The following KAT6B variants were observed in gnomAD, a reference collection of about 807,000 sequenced individuals.
The protein encoded by KAT6B is lysine acetyltransferase 6B, also known as histone acetyltransferase KAT6B.
Under a neutral mutation model 187.5 loss-of-function variants are expected in KAT6B, and 10 were observed. The observed-to-expected ratio is 0.05, with a 90% CI of 0.03 to 0.09. KAT6B has a LOEUF of 0.09. Among genes scored for constraint, KAT6B ranks in the 10% least tolerant of loss-of-function variants. The pLI, the probability that KAT6B is intolerant of heterozygous loss-of-function variation, is 1.00. For synonymous variants in KAT6B, 861 were observed against 926.8 expected, an observed-to-expected ratio of 0.93 and a Z score of 1.29; for missense variants, 1,952 against 2,558.9, an observed-to-expected ratio of 0.76 and a Z score of 5.12.
chr10:75,031,196 ATGCAGC>A lies in KAT6B; in HGVS notation c.*151_*156del. 7 of 907,762 alleles carry A rather than the reference ATGCAGC, an allele frequency of 7.7e-6. No individual in the cohort carries two copies. The highest frequency in any genetic ancestry group is 1.5e-5 in the South Asian group (1 of 64,708). 56.2% of individuals were successfully genotyped at this position (907,762 alleles called of 1,614,324 possible). ...TTTATTTAAAAAAAAAAAAAGCTGT[ATGCAGC>A]AGAAAGCCTTATACAAGTTGTTTTT... On this transcript the variant is annotated 3_prime_UTR_variant, in exon 18 of 18. Coordinates refer to ENST00000287239, the MANE Select transcript of KAT6B (RefSeq NM_012330.4).
At chr10:74,849,690 C>T (rs1046207480) in intron 3 of KAT6B, among the ~76,000 whole-genome samples, 6 of 152,128 alleles carry the variant, frequency 3.9e-5, no homozygotes, top group Non-Finnish European at 5.9e-5. Context: ...TAATAACTAA[C>T]GTTTTGTAAG....
At chr10:74,979,170 A>G (rs1458058043) in intron 9 of KAT6B, 54 bp from the exon 10 acceptor site, 6 of 1,318,718 alleles carry the variant, frequency 4.5e-6, no homozygotes, top group African/African-American at 2.9e-5. Flanking sequence ...TGAAAGAACC[A>G]AAATGTAAGT....
At chr10:74,956,395 A>G (rs1398458455) in intron 3 of KAT6B, among the ~76,000 whole-genome samples, 1 of 152,188 alleles carries the variant, frequency 6.6e-6, no homozygotes, top group Non-Finnish European at 1.5e-5. Context: ...CCTTTTCCCC[A>G]TGGTAATTAA....
At chr10:74,890,403 C>T (rs1419305805) in intron 3 of KAT6B, among the ~76,000 whole-genome samples, 1 of 152,082 alleles carries the variant, frequency 6.6e-6, no homozygotes, top group Non-Finnish European at 1.5e-5. Context: ...CTTTGGGAGG[C>T]TGAGGCAGGC....
chr10:74,965,910 T>C (rs1452841005), intron 4 of KAT6B, among the ~76,000 whole-genome samples: 2 of 151,852 alleles, frequency 1.3e-5, no homozygotes, highest in African/African-American at 4.8e-5. Flanking sequence ...TATTTTTTTT[T>C]TTTTTTAGTA....
chr10:74,940,501 C>G (rs1849590690), intron 3 of KAT6B, among the ~76,000 whole-genome samples: 1 of 150,728 alleles, frequency 6.6e-6, no homozygotes. Flanking sequence ...GTCTTGAACT[C>G]TTGACCTCGT....
At chr10:75,020,986 A>AGT (rs1845364976) in intron 14 of KAT6B, 140 bp from the exon 15 acceptor site, 1 of 986,838 alleles carries the variant, frequency 1.0e-6, no homozygotes, top group African/African-American at 1.6e-5. Flanking sequence ...GTTGGATTCC[A>AGT]GTGTTCTGTA....
intron 3 of KAT6B, among the ~76,000 whole-genome samples, chr10:74,848,843 T>C (rs557316651): frequency 1.3e-5 from 2 of 152,346 alleles, no homozygotes; most frequent in African/African-American, 4.8e-5. Flanking sequence ...TATATAAGAC[T>C]TTTTCTAATA....
At chr10:74,948,189 G>C (rs1018558440) in intron 3 of KAT6B, among the ~76,000 whole-genome samples, 1 of 152,220 alleles carries the variant, frequency 6.6e-6, no homozygotes, top group Non-Finnish European at 1.5e-5. Flanking sequence ...ACACCAGATG[G>C]TTTGTGTGCC....
intron 3 of KAT6B, among the ~76,000 whole-genome samples, chr10:74,884,575 A>ATT (rs11414871): frequency 8.6e-5 from 13 of 150,436 alleles, no homozygotes; most frequent in African/African-American, 3.2e-4. Context: ...GGTTTTCAAG[A>ATT]TTTTTTTTTT....
At chr10:74,833,281 C>T (rs1241692679) in intron 1 of KAT6B, among the ~76,000 whole-genome samples, 4 of 151,844 alleles carry the variant, frequency 2.6e-5, no homozygotes, top group African/African-American at 7.3e-5. Context: ...AAAAAAGACA[C>T]TCTAAATTTA....
chr10:74,923,540 C>A (rs1848286548), intron 3 of KAT6B, among the ~76,000 whole-genome samples: 2 of 152,078 alleles, frequency 1.3e-5, no homozygotes, highest in Admixed American at 1.3e-4. Flanking sequence ...TGAGGAAAGA[C>A]CTCTCTAAGA....
At chr10:75,023,450 G>A (rs1392599783) in intron 16 of KAT6B, 3 of 152,214 alleles carry the variant, frequency 2.0e-5, no homozygotes, top group South Asian at 2.1e-4. Context: ...GTGTATTCAT[G>A]TGTTGTATAT....
intron 3 of KAT6B, among the ~76,000 whole-genome samples, chr10:74,849,262 G>A (rs890858987): frequency 1.4e-5 from 2 of 147,692 alleles, no homozygotes; most frequent in East Asian, 4.1e-4. Context: ...GATTATAGAC[G>A]TGAGCTACTA....
chr10:74,964,481 T>C (rs1444796621), intron 4 of KAT6B, among the ~76,000 whole-genome samples: 3 of 152,216 alleles, frequency 2.0e-5, no homozygotes, highest in Admixed American at 6.5e-5. Flanking sequence ...ATATTTTTGT[T>C]AGCCCCTTGG....
intron 12 of KAT6B, among the ~76,000 whole-genome samples, chr10:74,986,122 C>A (rs946527890): frequency 4.6e-5 from 7 of 152,102 alleles, no homozygotes; most frequent in African/African-American, 9.7e-5. Context: ...GGAAAACAAT[C>A]GACATATTGA....
In KAT6B at chr10:74,831,797, A is replaced by G. The variant is rs2131957267; in HGVS notation, c.-329+5012A>G. Among the ~76,000 whole-genome samples the G allele has an allele frequency of 3.3e-5, 5 of 152,356 alleles. No individual in the cohort carries two copies. In the South Asian group the frequency reaches 1.0e-3, roughly 32 times the overall value. ...TCCTCTTAACGGTTCTGTAAAACAG[A>G]GAAGTATTCTCATTTTTACAGAAGA... On this transcript the variant is annotated intron_variant, in intron 1 of 17. Transcript: ENST00000287239.
intron 9 of KAT6B, among the ~76,000 whole-genome samples, 153 bp from the exon 10 acceptor site, chr10:74,979,071 A>G (rs1842345174): frequency 6.6e-6 from 1 of 152,212 alleles, no homozygotes; most frequent in South Asian, 2.1e-4. Context: ...GCACCAACCT[A>G]TTTCATAAGG....
chr10:75,029,105 T>C lies in KAT6B; in HGVS notation c.4281T>C (p.Asp1427=), dbSNP rs751184078. Residue 1427 remains aspartate (D), a synonymous_variant, in exon 18 of 18, where the codon GAT becomes GAC. Coordinates refer to ENST00000287239, the MANE Select transcript of KAT6B (RefSeq NM_012330.4). This position sits in a 1 kb window ranked among gnomAD's most constrained non-coding sequence, Gnocchi z 6.2. ...EPSHNEDHDA[D]DEDDSHMESA... Reference sequence around the variant, plus strand: ...CCCACAACGAGGACCATGATGCCGATGACGAGGATGACAGCCACATGGAGT... The same window carrying C: ...CCCACAACGAGGACCATGATGCCGACGACGAGGATGACAGCCACATGGAGT... The C allele has an allele frequency of 1.2e-6, 2 of 1,613,958 alleles. No individual in the cohort carries two copies. Among genetic ancestry groups the C allele is most frequent in the Admixed American group, 1.7e-5 (1 of 59,998 alleles).
Sources: gnomAD v4.1 joint callset for allele counts (sites outside exome capture counted in the v4.1 genomes callset) on GRCh38, gnomAD v4.1.1 for gene constraint, Gnocchi (gnomAD v3.1) non-coding constraint, MANE v1.5 for transcripts, NCBI Gene and HGNC (gene_info 2026-07-23, HGNC 2026-07-21) for gene names.